PEBP4: variants seen among roughly 807,000 people sequenced by gnomAD.
PEBP4 encodes the protein phosphatidylethanolamine-binding protein 4.
PEBP4 carries 22 observed loss-of-function variants against 23.9 expected under a neutral mutation model. The observed-to-expected ratio is 0.92, with a 90% CI of 0.66 to 1.31. The LOEUF is 1.31. PEBP4 is among the 40% of genes most tolerant of loss of function. The probability of loss-of-function intolerance (pLI) is 0.00; values close to 1 mark genes in which losing one functional copy is unlikely to be tolerated. For missense variants in PEBP4, 324 were observed against 281.7 expected (o/e 1.15, Z -1.07); for synonymous variants, 112 against 99.3 (o/e 1.13, Z -0.76).
chr8:22,743,131 C>T (rs1289648369), intron 4 of PEBP4, among the ~76,000 whole-genome samples: 1 of 152,134 alleles, frequency 6.6e-6, no homozygotes, highest in Non-Finnish European at 1.5e-5. Context: ...CCCAAGAAGC[C>T]CCAGGCCCTT....
At chr8:22,805,059 C>T (rs1806467581) in intron 4 of PEBP4, among the ~76,000 whole-genome samples, 1 of 152,198 alleles carries the variant, frequency 6.6e-6, no homozygotes, top group Non-Finnish European at 1.5e-5. Flanking sequence ...ACACTCCCCA[C>T]TCTGTAATGG....
At chr8:22,801,999 C>T (rs988008133) in intron 4 of PEBP4, among the ~76,000 whole-genome samples, 3 of 152,150 alleles carry the variant, frequency 2.0e-5, no homozygotes, top group African/African-American at 4.8e-5. Context: ...CAGTCAAGGG[C>T]TTGATGGGCC....
chr8:22,734,338 C>T (rs1804805925), intron 4 of PEBP4, among the ~76,000 whole-genome samples: 1 of 152,122 alleles, frequency 6.6e-6, no homozygotes, highest in African/African-American at 2.4e-5. Flanking sequence ...GGAGGGATGG[C>T]CACTGAGGTG....
At chr8:22,721,380 T>C (rs1804515422) in intron 6 of PEBP4, among the ~76,000 whole-genome samples, 1 of 152,038 alleles carries the variant, frequency 6.6e-6, no homozygotes, top group Non-Finnish European at 1.5e-5. Flanking sequence ...ACATGTACAT[T>C]GTCCTGTGGT....
chr8:22,855,051 C>T (rs1366291687), intron 3 of PEBP4, among the ~76,000 whole-genome samples: 1 of 146,872 alleles, frequency 6.8e-6, no homozygotes, highest in African/African-American at 2.5e-5. Flanking sequence ...CACATGCACC[C>T]CAGGAAAGAA....
chr8:22,834,794 T>G (rs1807166192), intron 3 of PEBP4, among the ~76,000 whole-genome samples: 1 of 152,204 alleles, frequency 6.6e-6, no homozygotes, highest in Non-Finnish European at 1.5e-5. Flanking sequence ...GTTGGTGTAT[T>G]GAAGCCATCC....
intron 4 of PEBP4, among the ~76,000 whole-genome samples, chr8:22,782,983 C>T (rs1805957936): frequency 3.9e-5 from 6 of 152,330 alleles, no homozygotes; most frequent in African/African-American, 9.6e-5. Context: ...ACAGCAATCC[C>T]GGGAGGTTCC....
chr8:22,816,347 G>A (rs747197389), intron 4 of PEBP4, among the ~76,000 whole-genome samples: 3 of 152,172 alleles, frequency 2.0e-5, no homozygotes, highest in Non-Finnish European at 2.9e-5. Flanking sequence ...CCTGAGCTCC[G>A]TGGGAGGGGC....
intron 4 of PEBP4, among the ~76,000 whole-genome samples, chr8:22,797,225 C>G (rs1415702988): frequency 1.4e-5 from 2 of 147,636 alleles, no homozygotes; most frequent in African/African-American, 5.0e-5. Context: ...TGTACTCCAG[C>G]CTGGGCAACA....
chr8:22,858,473 G>A (rs568928687), intron 3 of PEBP4, among the ~76,000 whole-genome samples: 5 of 152,280 alleles, frequency 3.3e-5, no homozygotes, highest in Non-Finnish European at 7.4e-5. Context: ...AGCATCCTGG[G>A]AAAATGCAGA....
At chr8:22,899,662 T>A (rs1808671932) in intron 3 of PEBP4, among the ~76,000 whole-genome samples, 1 of 152,196 alleles carries the variant, frequency 6.6e-6, no homozygotes, top group Non-Finnish European at 1.5e-5. Flanking sequence ...GGCTACTTTT[T>A]CCCTAGCCAG....
At position 22,732,905 on chromosome 8, in the gene PEBP4, G is replaced by A. The variant is rs540135727; in HGVS notation, c.358-5685C>T. Among the ~76,000 whole-genome samples the A allele has an allele frequency of 7.2e-5, 11 of 152,272 alleles. No homozygotes were observed. The South Asian group carries it at 2.1e-3, about 29-fold the overall frequency. ...GCAAGCTAGCCTGGAACTTGCAAGCGAGATACTCAGGGAAAGTTGTGGCTT... is the reference window on the plus strand; with the variant it reads ...GCAAGCTAGCCTGGAACTTGCAAGCAAGATACTCAGGGAAAGTTGTGGCTT... On this transcript the variant is annotated intron_variant, in intron 4 of 6. Transcript: ENST00000256404.
chr8:22,760,559 AG>A (rs2128752942), intron 4 of PEBP4, among the ~76,000 whole-genome samples: 1 of 151,894 alleles, frequency 6.6e-6, no homozygotes, highest in Admixed American at 6.5e-5. Context: ...AGGCCAGGGA[AG>A]GGAGGATGGC....
At chr8:22,763,842 T>C (rs1805558458) in intron 4 of PEBP4, among the ~76,000 whole-genome samples, 1 of 152,250 alleles carries the variant, frequency 6.6e-6, no homozygotes. Flanking sequence ...ATGACTGCTT[T>C]CAACTATTTC....
chr8:22,805,878 C>CTGAATGAATGAA (rs59038661), intron 4 of PEBP4, among the ~76,000 whole-genome samples: 2,325 of 151,342 alleles, frequency 0.015, 40 homozygotes, highest in South Asian at 0.062. Context: ...TAAGCACATG[C>CTGAATGAATGAA]TGAATGAATG....
chr8:22,796,328 T>G (rs966330551), intron 4 of PEBP4, among the ~76,000 whole-genome samples: 2 of 152,124 alleles, frequency 1.3e-5, no homozygotes, highest in African/African-American at 4.8e-5. Context: ...CACTGGGTTT[T>G]GAGTTCCTTG....
chr8:22,859,023 G>T (rs1361864235), intron 3 of PEBP4, among the ~76,000 whole-genome samples: 3 of 152,190 alleles, frequency 2.0e-5, no homozygotes, highest in Non-Finnish European at 1.5e-5. Context: ...CCATTTAGAA[G>T]TCAGCATGGC....
Position 22,764,234 on chromosome 8 carries a change from A to G in PEBP4, c.358-37014T>C, listed in dbSNP as rs558435277. On this transcript the variant is annotated intron_variant, in intron 4 of 6. Transcript: ENST00000256404. ...GTCCCAAGTATGTTGTTTTTTAAAA[A>G]AGCTCTGCACACTTGAATCTAATAC... Among the ~76,000 whole-genome samples, 17 of 152,240 alleles carry G rather than the reference A, an allele frequency of 1.1e-4. No individual in the cohort carries two copies. The South Asian group carries it at 3.5e-3, about 32-fold the overall frequency.
At chr8:22,928,321 G>A (rs1327404082), upstream of PEBP4, among the ~76,000 whole-genome samples, 3 of 152,150 alleles carry the variant, frequency 2.0e-5, no homozygotes, top group Non-Finnish European at 4.4e-5. Flanking sequence ...AGGGGGTGGG[G>A]GTAGGTGCAC....
Sources: allele counts gnomAD v4.1 joint callset (sites outside exome capture counted in the v4.1 genomes callset), GRCh38; gene constraint gnomAD v4.1.1; transcripts MANE v1.5; gene names NCBI Gene and HGNC (gene_info 2026-07-23, HGNC 2026-07-21).